Variants in NCOA1 observed in about 807,000 individuals in gnomAD.
NCOA1 encodes the protein nuclear receptor coactivator 1.
A neutral mutation model predicts 150.9 loss-of-function variants in NCOA1; 35 were observed. The ratio of observed to expected loss-of-function variants is 0.23; its 90% CI spans 0.18 to 0.31. The LOEUF (loss-of-function observed/expected upper bound fraction) is 0.31. Ranked by LOEUF, NCOA1 falls within the 10% of genes least tolerant of loss-of-function variation. NCOA1 has a pLI of 1.00. For synonymous variants in NCOA1, 590 were observed against 630.0 expected (o/e 0.94, Z 0.95); for missense variants, 1,491 against 1,749.3 (o/e 0.85, Z 2.63).
At chr2:24,724,584 A>G (rs553355074) in intron 14 of NCOA1, among the ~76,000 whole-genome samples, 8 of 152,220 alleles carry the variant, frequency 5.3e-5, no homozygotes, top group Non-Finnish European at 8.8e-5. Context: ...CAAACTCAGC[A>G]TATGAATCTT....
At chr2:24,631,526 T>C (rs1439961) in intron 3 of NCOA1, among the ~76,000 whole-genome samples, 6,937 of 152,250 alleles carry the variant, frequency 0.046, 251 homozygotes, top group East Asian at 0.19. Context: ...ATGTAAATAC[T>C]GTACTCTAGT....
chr2:24,660,895 AT>A (rs141165707), intron 5 of NCOA1, among the ~76,000 whole-genome samples: 8,079 of 151,414 alleles, frequency 0.053, 302 homozygotes, highest in East Asian at 0.19. Flanking sequence ...ACCCATCTCT[AT>A]TTAAGAAAAA....
At chr2:24,768,140 G>GT in intron 22 of NCOA1, 81 bp from the exon 23 acceptor site, 1 of 1,613,920 alleles carries the variant, frequency 6.2e-7, no homozygotes, top group Non-Finnish European at 8.5e-7. Flanking sequence ...GCTCTAGTGA[G>GT]TTTCCACTTC....
intron 3 of NCOA1, among the ~76,000 whole-genome samples, chr2:24,640,272 A>G (rs1470364371): frequency 6.6e-6 from 1 of 152,112 alleles, no homozygotes; most frequent in Non-Finnish European, 1.5e-5. Context: ...TGTGCACTTG[A>G]AAATAAATGT....
At chr2:24,602,312 C>T (rs1668158395) in intron 3 of NCOA1, among the ~76,000 whole-genome samples, 1 of 152,118 alleles carries the variant, frequency 6.6e-6, no homozygotes, top group South Asian at 2.1e-4. Flanking sequence ...GCAGTTCTCC[C>T]ACCTCAGCCT....
chr2:24,765,554 A>G (rs1034227098), intron 22 of NCOA1, among the ~76,000 whole-genome samples: 1 of 152,044 alleles, frequency 6.6e-6, no homozygotes, highest in Non-Finnish European at 1.5e-5. Flanking sequence ...GATGTTTTTG[A>G]AAGTCTCAAA....
chr2:24,514,659 G>A (rs1027378097), intron 1 of NCOA1, among the ~76,000 whole-genome samples: 1 of 151,602 alleles, frequency 6.6e-6, no homozygotes, highest in African/African-American at 2.4e-5. Context: ...AAAACTAGCC[G>A]ATTGTGTTGG....
intron 19 of NCOA1, among the ~76,000 whole-genome samples, chr2:24,749,459 A>G (rs1664109722): frequency 6.6e-6 from 1 of 152,250 alleles, no homozygotes; most frequent in African/African-American, 2.4e-5. Context: ...TCAAGGCCAG[A>G]GAAAACCACC....
chr2:24,497,296 A>C (rs976327243), intron 1 of NCOA1, among the ~76,000 whole-genome samples: 1 of 151,282 alleles, frequency 6.6e-6, no homozygotes, highest in Non-Finnish European at 1.5e-5. Flanking sequence ...TCTCTTGAAT[A>C]CCTGTGTTGT....
At chr2:24,734,812 A>C (rs1055397483) in intron 17 of NCOA1, among the ~76,000 whole-genome samples, 1 of 152,172 alleles carries the variant, frequency 6.6e-6, no homozygotes, top group Non-Finnish European at 1.5e-5. Flanking sequence ...TCTAAAAAAA[A>C]AAATTAAAAC....
At chr2:24,652,131 A>C (rs753263542) in intron 4 of NCOA1, among the ~76,000 whole-genome samples, 16 of 152,220 alleles carry the variant, frequency 1.1e-4, no homozygotes, top group South Asian at 2.1e-4. Flanking sequence ...AACTACCTAA[A>C]TATCCATCCA....
At chr2:24,608,711 T>G (rs1375460462) in intron 3 of NCOA1, among the ~76,000 whole-genome samples, 12 of 150,544 alleles carry the variant, frequency 8.0e-5, no homozygotes, top group South Asian at 2.1e-4. Flanking sequence ...TGTGTTTTTT[T>G]TTTTTTTTTT....
chr2:24,703,156 T>G (rs753760327), intron 11 of NCOA1, among the ~76,000 whole-genome samples: 2 of 152,146 alleles, frequency 1.3e-5, no homozygotes, highest in Non-Finnish European at 2.9e-5. Flanking sequence ...TAGTAATGAG[T>G]TGACTGAGAT....
chr2:24,763,089 T>C (rs1186803686), intron 22 of NCOA1, among the ~76,000 whole-genome samples: 1 of 152,130 alleles, frequency 6.6e-6, no homozygotes, highest in Non-Finnish European at 1.5e-5. Context: ...ATTTTGTAAA[T>C]AAGCACAGTG....
At chr2:24,621,682 G>A (rs1477593164) in intron 3 of NCOA1, among the ~76,000 whole-genome samples, 1 of 151,962 alleles carries the variant, frequency 6.6e-6, no homozygotes, top group East Asian at 1.9e-4. Context: ...GTTTCACCAT[G>A]TTGGCCAGGC....
chr2:24,716,411 C>G (rs55803310), intron 14 of NCOA1, among the ~76,000 whole-genome samples: 1 of 151,844 alleles, frequency 6.6e-6, no homozygotes, highest in Non-Finnish European at 1.5e-5. Flanking sequence ...ATTTATATGG[C>G]GAATTGACAT....
chr2:24,750,774 G>C, intron 19 of NCOA1, among the ~76,000 whole-genome samples: 1 of 152,076 alleles, frequency 6.6e-6, no homozygotes, highest in East Asian at 1.9e-4. Context: ...AACTCTATAA[G>C]GGAATTTGGG....
intron 17 of NCOA1, among the ~76,000 whole-genome samples, chr2:24,730,833 G>A (rs907512608): frequency 1.5e-4 from 21 of 144,176 alleles, no homozygotes; most frequent in Non-Finnish European, 2.6e-4. Flanking sequence ...CGAGACCAGC[G>A]TGGCCAACAT....
At chr2:24,742,462 T>C (rs990226825) in intron 19 of NCOA1, among the ~76,000 whole-genome samples, 7 of 152,052 alleles carry the variant, frequency 4.6e-5, no homozygotes, top group Admixed American at 4.6e-4. Flanking sequence ...CCCTTTTTTT[T>C]TTCTTTTTTG....
Sources: gnomAD v4.1 joint callset for allele counts (sites outside exome capture counted in the v4.1 genomes callset) on GRCh38, gnomAD v4.1.1 for gene constraint, MANE v1.5 for transcripts, NCBI Gene and HGNC (gene_info 2026-07-23, HGNC 2026-07-21) for gene names.